CASK: variants seen among roughly 807,000 people sequenced by gnomAD.
The protein encoded by CASK is calcium/calmodulin dependent serine protein kinase, also known as peripheral plasma membrane protein CASK.
Under a neutral mutation model 82.9 loss-of-function variants are expected in CASK, and 4 were observed. The ratio of observed to expected loss-of-function variants is 0.05; its 90% confidence interval spans 0.02 to 0.11. The LOEUF (loss-of-function observed/expected upper bound fraction) is 0.11. Among genes scored for constraint, CASK ranks in the 10% least tolerant of loss-of-function variants. CASK has a pLI of 1.00. For missense variants in CASK, 358 were observed against 720.9 expected, an observed-to-expected ratio of 0.50 and a Z score of 5.76; for synonymous variants, 259 against 253.5, an observed-to-expected ratio of 1.02 and a Z score of -0.20.
intron 1 of CASK, among the ~76,000 whole-genome samples, chrX:41,877,958 CA>C (rs996076031): frequency 1.2e-5 from 1 of 80,039 alleles, no homozygotes; most frequent in African/African-American, 3.6e-5. Flanking sequence ...ATAATTTTAC[CA>C]CAATTAAATT....
intron 1 of CASK, among the ~76,000 whole-genome samples, chrX:41,881,386 T>G (rs1225918613): frequency 9.0e-6 from 1 of 111,671 alleles, no homozygotes; most frequent in Non-Finnish European, 1.9e-5. Flanking sequence ...TCCCTTTTTA[T>G]ACTGTTGCAG....
chrX:41,869,004 G>C (rs1177324065), intron 1 of CASK, among the ~76,000 whole-genome samples: 1 of 111,547 alleles, frequency 9.0e-6, no homozygotes, highest in Non-Finnish European at 1.9e-5. Flanking sequence ...CCTTCCTACT[G>C]AAAAACAAAA....
intron 2 of CASK, among the ~76,000 whole-genome samples, chrX:41,813,900 AAAAC>A (rs1451873845): frequency 8.0e-4 from 90 of 112,223 alleles, no homozygotes; most frequent in African/African-American, 2.7e-3. Context: ...TTACAAGAAA[AAAAC>A]AAACAACCCC....
chrX:41,760,460 A>G (rs890155514), intron 3 of CASK, among the ~76,000 whole-genome samples: 2 of 111,827 alleles, frequency 1.8e-5, no homozygotes, highest in Non-Finnish European at 3.8e-5. Flanking sequence ...GGAGGCTGCT[A>G]TTGCCTTAAC....
At chrX:41,895,337 T>C (rs755184336) in intron 1 of CASK, among the ~76,000 whole-genome samples, 5 of 111,812 alleles carry the variant, frequency 4.5e-5, no homozygotes, top group Non-Finnish European at 9.4e-5. Flanking sequence ...ATTTCTCAAG[T>C]CAGAGAAATC....
intron 1 of CASK, among the ~76,000 whole-genome samples, chrX:41,885,088 A>G (rs112256545): frequency 7.5e-4 from 84 of 111,882 alleles, no homozygotes; most frequent in African/African-American, 2.6e-3. Context: ...GTACTTTCAA[A>G]ATGCTATATC....
chrX:41,521,361 G>C (rs956723472), intron 26 of CASK, among the ~76,000 whole-genome samples: 1 of 111,660 alleles, frequency 9.0e-6, no homozygotes, highest in African/African-American at 3.3e-5. Context: ...GTCACTGTTC[G>C]TAGGTCCTCA....
At chrX:41,642,195 G>A (rs1170991937) in intron 8 of CASK, among the ~76,000 whole-genome samples, 10 of 111,323 alleles carry the variant, frequency 9.0e-5, no homozygotes, top group African/African-American at 3.3e-4. Flanking sequence ...GAATAGTGCT[G>A]TAATAAACAG....
intron 24 of CASK, among the ~76,000 whole-genome samples, chrX:41,532,423 T>C (rs2064817799): frequency 8.9e-6 from 1 of 112,139 alleles, no homozygotes; most frequent in African/African-American, 3.2e-5. Flanking sequence ...ACCCCTCACC[T>C]AAGTGAGTGT....
chrX:41,555,580 T>C lies in CASK; in HGVS notation c.1842+20A>G. 3.4e-6 allele frequency: 4 copies of C among 1,166,817 alleles called. No homozygotes were observed. Among genetic ancestry groups the C allele is most frequent in the Non-Finnish European group, 4.7e-6 (4 of 854,591 alleles). On this transcript the variant is annotated intron_variant, in intron 20 of 26. Transcript: ENST00000378163. ...TAGCTGCTCAGTTTAGAGAAGTTTC[T>C]ATAGAGGATATCTATTCACCTGTCG...
intron 21 of CASK, among the ~76,000 whole-genome samples, chrX:41,551,917 G>A (rs2065103057): frequency 9.7e-6 from 1 of 102,600 alleles, no homozygotes; most frequent in African/African-American, 3.6e-5. Flanking sequence ...TGGTCACTGA[G>A]CTCCCCAGTA....
chrX:41,755,283 C>T (rs753785950), intron 3 of CASK, among the ~76,000 whole-genome samples: 2 of 111,945 alleles, frequency 1.8e-5, no homozygotes, highest in Non-Finnish European at 3.8e-5. Context: ...TATACTAAAA[C>T]CTACTGTGGA....
At chrX:41,795,906 T>C (rs1400366769) in intron 2 of CASK, among the ~76,000 whole-genome samples, 1 of 110,936 alleles carries the variant, frequency 9.0e-6, no homozygotes, top group Non-Finnish European at 1.9e-5. Flanking sequence ...AAATACCTTA[T>C]TTAAGTCATT....
chrX:41,580,277 C>G (rs2065554406), intron 14 of CASK, among the ~76,000 whole-genome samples: 1 of 111,895 alleles, frequency 8.9e-6, no homozygotes, highest in South Asian at 3.7e-4. Flanking sequence ...ACCTCTTGGG[C>G]TCAAGTGAAC....
chrX:41,558,554 TAG>T (rs2065187530), intron 18 of CASK: 1 of 111,848 alleles, frequency 8.9e-6, no homozygotes, highest in Non-Finnish European at 1.9e-5. Context: ...ATTATTTACA[TAG>T]AATGTTAAGT....
At chrX:41,804,780 CAA>C (rs1422182368) in intron 2 of CASK, among the ~76,000 whole-genome samples, 1 of 111,868 alleles carries the variant, frequency 8.9e-6, no homozygotes, top group African/African-American at 3.2e-5. Context: ...TCACCACCAA[CAA>C]AAGCAAGCAA....
In CASK at chrX:41,736,980, T is replaced by TC. The variant is rs1445401681; in HGVS notation, c.429+2403dup. ...TCCCATCCTTGTATATATCTGGCACTCCATCAATCAAAATATGAATCTATG... is the reference window on the plus strand; with the variant it reads ...TCCCATCCTTGTATATATCTGGCACTCCCATCAATCAAAATATGAATCTATG... On this transcript the variant is annotated intron_variant, in intron 5 of 26. Coordinates refer to ENST00000378163, the MANE Select transcript of CASK (RefSeq NM_001367721.1). 2.7e-5 allele frequency among the ~76,000 whole-genome samples: 3 copies of TC among 112,389 alleles called. No homozygotes were observed. In the Admixed American group the frequency reaches 2.8e-4, roughly 11 times the overall value.
At chrX:41,724,607 A>G (rs751606424) in intron 5 of CASK, among the ~76,000 whole-genome samples, 1 of 111,693 alleles carries the variant, frequency 9.0e-6, no homozygotes, top group African/African-American at 3.2e-5. Flanking sequence ...GTACTTTCCA[A>G]ATTCTGGAAA....
At position 41,555,618 on chromosome X, in the gene CASK, G is replaced by A. The variant is rs776279763; in HGVS notation, c.1824C>T (p.Thr608=). 2.5e-6 allele frequency: 3 copies of A among 1,203,503 alleles called. No individual in the cohort carries two copies. In the Admixed American group the frequency reaches 6.5e-5, roughly 26 times the overall value. ...NNSVSDLPST[T]QPKGRQIYVR... ...TATTCACCTGTCGTCCTTTTGGTTG[G>A]GTAGTTGATGGCAAGTCCTGTAGAA... Residue 608 remains threonine, a synonymous_variant, in exon 20 of 27, where the codon ACC becomes ACT. Transcript: ENST00000378163.
Sources: allele counts gnomAD v4.1 joint callset (sites outside exome capture counted in the v4.1 genomes callset), GRCh38; gene constraint gnomAD v4.1.1; transcripts MANE v1.5; gene names NCBI Gene and HGNC (gene_info 2026-07-23, HGNC 2026-07-21).